Variants in CARMIL3 observed in about 807,000 individuals in gnomAD.
CARMIL3 encodes the protein capping protein regulator and myosin 1 linker 3, also known as capping protein, Arp2/3 and myosin-I linker protein 3.
In CARMIL3, 88 loss-of-function variants were observed where a neutral mutation model predicts 180.8. That is an observed-to-expected ratio of 0.49 (90% CI 0.41 to 0.58). CARMIL3 has a LOEUF of 0.58. Ranked by LOEUF, CARMIL3 falls within the 20% of genes least tolerant of loss-of-function variation. The probability of loss-of-function intolerance (pLI) is 0.00; values close to 1 mark genes in which losing one functional copy is unlikely to be tolerated. For synonymous variants in CARMIL3, 696 were observed against 714.5 expected (o/e 0.97, Z 0.41); for missense variants, 1,548 against 1,787.0 (o/e 0.87, Z 2.41).
chr14:24,066,180 A>G (rs959000185), intron 34 of CARMIL3, among the ~76,000 whole-genome samples: 8 of 152,208 alleles, frequency 5.3e-5, no homozygotes, highest in African/African-American at 1.9e-4. Flanking sequence ...TACATGTAAA[A>G]TACATATGTA....
At position 24,060,251 on chromosome 14, in the gene CARMIL3, A is replaced by G. The variant is rs1351201499; in HGVS notation, c.2057A>G (p.Glu686Gly). The G allele has an allele frequency of 6.2e-7, 1 of 1,614,018 alleles. No individual in the cohort carries two copies. The highest frequency in any genetic ancestry group is 1.7e-5 in the Admixed American group (1 of 60,004). ...CAGGGCCTGGTGACCAGCAGCGCCG[A>G]GCAAGTAAACGTTTCCCTCTGGGAC... The part of the protein sequence containing the change: ...LQQGLVTSSA[E>G]QMLQRLCGRV... Residue 686 changes from glutamate to glycine, a missense_variant, in exon 24 of 40, where the codon GAG becomes GGG. By Grantham distance (98) the Glu-to-Gly change is moderately conservative. Around this residue, in one of 4 missense-constraint regions of CARMIL3, gnomAD observed 297 missense variants for 415.9 expected, o/e 0.71. Coordinates refer to ENST00000342740, the MANE Select transcript of CARMIL3 (RefSeq NM_138360.4).
chr14:24,065,444 A>G, intron 33 of CARMIL3, 171 bp downstream of exon 33: 14 of 1,072,478 alleles, frequency 1.3e-5, no homozygotes, highest in Non-Finnish European at 1.9e-5. Context: ...AGTGGCCAAG[A>G]GCATGCTGGG....
chr14:24,063,187 A>G lies in CARMIL3; in HGVS notation c.2770+4A>G. On this transcript the variant is annotated splice_donor_region_variant and intron_variant, in intron 30 of 39. Coordinates refer to ENST00000342740, the MANE Select transcript of CARMIL3 (RefSeq NM_138360.4). The stretch of plus-strand genomic sequence containing the variant: ...CGGCCGGTGTCTGCCTTCATCAGTG[A>G]GTCTCCCAGCCTCCGTTCTCATGGA... 1.2e-6 allele frequency: 2 copies of G among 1,612,338 alleles called. No homozygotes were observed. Among genetic ancestry groups the G allele is most frequent in the Non-Finnish European group, 1.7e-6 (2 of 1,178,514 alleles).
At chr14:24,057,077 G>A (rs2035679331) in intron 13 of CARMIL3, 53 bp downstream of exon 13, 2 of 1,599,062 alleles carry the variant, frequency 1.3e-6, no homozygotes, top group Admixed American at 1.7e-5. Context: ...TTAAGCTTCA[G>A]GAGCTGGGAG....
At position 24,069,267 on chromosome 14, in the gene CARMIL3, A is replaced by G; in HGVS notation, c.4093+20A>G. On this transcript the variant is annotated intron_variant, in intron 39 of 39. Transcript: ENST00000342740. ...CCACAGGTGCTGGTGGTGAGAGGGCAGGTCCCCCCTTCCCACCTATCTGTC... is the reference window on the plus strand; with the variant it reads ...CCACAGGTGCTGGTGGTGAGAGGGCGGGTCCCCCCTTCCCACCTATCTGTC... The G allele has an allele frequency of 3.1e-6, 5 of 1,613,214 alleles. No individual in the cohort carries two copies. The South Asian group carries it at 5.5e-5, about 18-fold the overall frequency.
intron 34 of CARMIL3, among the ~76,000 whole-genome samples, 158 bp downstream of exon 34, chr14:24,065,908 G>A (rs74917851): frequency 0.047 from 7,214 of 152,262 alleles, 255 homozygotes; most frequent in Non-Finnish European, 0.069. Context: ...CACACTTGCC[G>A]TGGAGCCCTG....
intron 10 of CARMIL3, 44 bp from the exon 11 acceptor site, chr14:24,056,255 C>A: frequency 6.5e-7 from 1 of 1,533,466 alleles, no homozygotes; most frequent in Non-Finnish European, 9.0e-7. Context: ...AGGCTGGGAC[C>A]TGGGGCTCAG....
At chr14:24,069,020 C>T in intron 38 of CARMIL3, 54 bp downstream of exon 38, 1 of 1,557,778 alleles carries the variant, frequency 6.4e-7, no homozygotes, top group South Asian at 1.2e-5. Flanking sequence ...ACTTTGCTGT[C>T]CACATCAGGT....
Position 24,059,015 on chromosome 14 carries a change from C to A in CARMIL3, c.1571+29C>A, listed in dbSNP as rs761904812. 6 of 1,611,628 alleles carry A rather than the reference C, an allele frequency of 3.7e-6. No individual in the cohort carries two copies. Among genetic ancestry groups the A allele is most frequent in the African/African-American group, 2.7e-5 (2 of 74,872 alleles). ...AGGCCCCCTTTCCATGCCCACAGAC[C>A]CTCATCCCATCATTCACCCATCCTC... On this transcript the variant is annotated intron_variant, in intron 19 of 39. Transcript: ENST00000342740. The surrounding 1 kb of genome is among the most constrained non-coding windows in gnomAD (Gnocchi z 6.3).
At position 24,068,627 on chromosome 14, in the gene CARMIL3, A is replaced by C; in HGVS notation, c.3726A>C (p.Pro1242=). The change falls in exon 37 of 40, where the codon CCA becomes CCC. Residue 1242 remains proline (P), a synonymous_variant. Coordinates refer to ENST00000342740, the MANE Select transcript of CARMIL3 (RefSeq NM_138360.4). ...APNHSCQSPS[P]ASQDGEEEKE... is the part of the protein sequence containing the mutation. ...ACCACAGCTGCCAGAGTCCCAGCCC[A>C]GCCTCCCAAGATGGGGAAGAGGAGA... The C allele has an allele frequency of 6.2e-7, 1 of 1,613,988 alleles. No individual in the cohort carries two copies. Among genetic ancestry groups the C allele is most frequent in the Non-Finnish European group, 8.5e-7 (1 of 1,179,954 alleles).
chr14:24,068,931 G>A lies in CARMIL3; in HGVS notation c.3947G>A (p.Ser1316Asn), dbSNP rs776395083. Reference sequence around the variant, plus strand: ...GTCAACAAACCCCGGCTGAGGCTGAGCTCACAGCAAGACCAAGAGGAGCCC... The same window carrying A: ...GTCAACAAACCCCGGCTGAGGCTGAACTCACAGCAAGACCAAGAGGAGCCC... ...PGVNKPRLRL[S>N]SQQDQEEPEV... The change falls in exon 38 of 40, where the codon AGC becomes AAC. Residue 1316 changes from serine to asparagine, a missense_variant. Around this residue, in one of 4 missense-constraint regions of CARMIL3, gnomAD observed 668 missense variants for 687.8 expected, o/e 0.97. Transcript: ENST00000342740. 1 of 1,581,908 alleles carries A rather than the reference G, an allele frequency of 6.3e-7. No individual in the cohort carries two copies. The highest frequency in any genetic ancestry group is 2.3e-5 in the East Asian group (1 of 43,266).
rs756292979 is a variant in CARMIL3 at position 24,059,660 on chromosome 14, C to G, written c.1800-4C>G. On this transcript the variant is annotated splice_region_variant and splice_polypyrimidine_tract_variant and intron_variant, in intron 21 of 39. Transcript: ENST00000342740. This position sits in a 1 kb window ranked among gnomAD's most constrained non-coding sequence, Gnocchi z 6.3. ...TGCCAAACTGGTGCTTACCCTCCCC[C>G]CAGAACTATCCTATGGGATCGGAAC... 17 of 1,613,888 alleles carry G rather than the reference C, an allele frequency of 1.1e-5. No individual in the cohort carries two copies. The highest frequency in any genetic ancestry group is 5.5e-5 in the South Asian group (5 of 91,042).
chr14:24,059,691 A>C lies in CARMIL3; in HGVS notation c.1827A>C (p.Thr609=). ...LRTILWDRNN[T]SALGFLDIAR... The stretch of plus-strand genomic sequence containing the variant: ...CTATCCTATGGGATCGGAACAATAC[A>C]TCTGCCCTGGGCTTCCTGGACATCG... The change falls in exon 22 of 40, where the codon ACA becomes ACC. Residue 609 remains threonine (T), a synonymous_variant. Transcript: ENST00000342740. This position sits in a 1 kb window ranked among gnomAD's most constrained non-coding sequence, Gnocchi z 6.3. 6.2e-7 allele frequency: 1 copy of C among 1,613,918 alleles called. No homozygotes were observed. Among genetic ancestry groups the C allele is most frequent in the Admixed American group, 1.7e-5 (1 of 60,000 alleles).
chr14:24,065,190 T>C lies in CARMIL3; in HGVS notation c.3313T>C (p.Ser1105Pro). 1 of 1,436,480 alleles carries C rather than the reference T, an allele frequency of 7.0e-7. No homozygotes were observed. The highest frequency in any genetic ancestry group is 1.3e-5 in the South Asian group (1 of 75,876). The allele number at this position is 1,436,480 out of a possible 1,614,324, so 89.0% of individuals were successfully genotyped here. Residue 1105 changes from serine (S) to proline (P), a missense_variant, in exon 33 of 40, where the codon TCT becomes CCT. Physicochemically the swap from Ser to Pro is moderately conservative, Grantham distance 74. Coordinates refer to ENST00000342740, the MANE Select transcript of CARMIL3 (RefSeq NM_138360.4). The part of the protein sequence containing the change: ...PDPPSLGNNS[S>P]PCWSPEEESS... ...CCCCCCAAGCCTCGGCAATAACTCC[T>C]CTCCCTGCTGGAGCCCAGAGGAGGA...
In CARMIL3 at chr14:24,065,648, G is replaced by T; in HGVS notation, c.3423G>T (p.Glu1141Asp). 2 of 1,612,936 alleles carry T rather than the reference G, an allele frequency of 1.2e-6. No individual in the cohort carries two copies. Among genetic ancestry groups the T allele is most frequent in the South Asian group, 1.1e-5 (1 of 90,970 alleles). ...GCACTGAGGGGTCAGAGCCAGGGGA[G>T]GGGGGCCCAGCCCCTGGGACAGCAC... The part of the protein sequence containing the change: ...KMGTEGSEPG[E>D]GGPAPGTAQQ... The change falls in exon 34 of 40, where the codon GAG becomes GAT. Residue 1141 changes from glutamate (E) to aspartate (D), a missense_variant. Physicochemically the swap from Glu to Asp is conservative, Grantham distance 45. Around this residue, in one of 4 missense-constraint regions of CARMIL3, gnomAD observed 668 missense variants for 687.8 expected, o/e 0.97. Transcript: ENST00000342740.
rs1287015580 is a variant in CARMIL3 at position 24,063,131 on chromosome 14, C to T, written c.2718C>T (p.Ala906=). ...DELGTNIDTM[A]IKKQKRCRKI... is the part of the protein sequence containing the mutation. ...CTTCATTTCTGCAGGACACCATGGC[C>T]ATCAAAAAGCAGAAACGCTGCCGCA... Residue 906 remains alanine, a synonymous_variant, in exon 30 of 40, where the codon GCC becomes GCT. Coordinates refer to ENST00000342740, the MANE Select transcript of CARMIL3 (RefSeq NM_138360.4). 5.6e-6 allele frequency: 9 copies of T among 1,613,364 alleles called. No homozygotes were observed. The highest frequency in any genetic ancestry group is 7.6e-6 in the Non-Finnish European group (9 of 1,179,448).
Position 24,057,993 on chromosome 14 carries a change from GTTC to G in CARMIL3, c.1255_1257del (p.Phe419del). 2 of 1,613,746 alleles carry G rather than the reference GTTC, an allele frequency of 1.2e-6. No individual in the cohort carries two copies. The stretch of plus-strand genomic sequence containing the variant: ...GAGAGGCCCCGCCGGCCTTCAAGCA[GTTC>G]TTCAGCAGCGCCTACACACTGAGCC... On this transcript the variant is annotated inframe_deletion, in exon 16 of 40. Coordinates refer to ENST00000342740, the MANE Select transcript of CARMIL3 (RefSeq NM_138360.4).
intron 14 of CARMIL3, 46 bp from the exon 15 acceptor site, chr14:24,057,757 T>TA: frequency 6.7e-7 from 1 of 1,497,956 alleles, no homozygotes; most frequent in African/African-American, 1.4e-5. Flanking sequence ...TGCCACCCCC[T>TA]ACCCCCTTCC....
At position 24,065,113 on chromosome 14, in the gene CARMIL3, T is replaced by TGCCGGCC; in HGVS notation, c.3236_3237insGCCGGCC (p.Pro1081AlafsTer16). 1 of 1,435,696 alleles carries TGCCGGCC rather than the reference T, an allele frequency of 7.0e-7. No individual in the cohort carries two copies. The highest frequency in any genetic ancestry group is 9.3e-7 in the Non-Finnish European group (1 of 1,070,216). 88.9% of individuals were successfully genotyped at this position (1,435,696 alleles called of 1,614,324 possible). ...GGGTCCCCTACCACTGGACTCCTCC[T>TGCCGGCC]CCCTCCACCCCCACCCCCTCCCCCG... On this transcript the variant is annotated frameshift_variant, in exon 33 of 40. Transcript: ENST00000342740. LOFTEE classifies it high-confidence loss of function.
Sources: allele counts gnomAD v4.1 joint callset (sites outside exome capture counted in the v4.1 genomes callset), GRCh38; gene constraint gnomAD v4.1.1; regional missense constraint gnomAD v4.1.1; non-coding constraint Gnocchi (gnomAD v3.1); transcripts MANE v1.5; gene names NCBI Gene and HGNC (gene_info 2026-07-23, HGNC 2026-07-21).